The following DLG2 variants were observed in gnomAD, a reference collection of about 807,000 sequenced individuals.
The protein encoded by DLG2 is discs large MAGUK scaffold protein 2, also known as disks large homolog 2.
Under a neutral mutation model 132.5 loss-of-function variants are expected in DLG2, and 45 were observed. That is an observed-to-expected ratio of 0.34 (90% confidence interval 0.27 to 0.44). The LOEUF is 0.44. DLG2 is among the 20% of genes least tolerant of loss of function. DLG2 has a pLI of 1.00. For missense variants in DLG2, 1,045 were observed against 1,196.9 expected (o/e 0.87, Z 1.87); for synonymous variants, 424 against 419.6 (o/e 1.01, Z -0.13).
chr11:85,359,955 G>A (rs1180210765), intron 3 of DLG2, among the ~76,000 whole-genome samples: 1 of 152,132 alleles, frequency 6.6e-6, no homozygotes, highest in Non-Finnish European at 1.5e-5. Flanking sequence ...CCAGAGGATG[G>A]AGCTTACAAC....
intron 6 of DLG2, among the ~76,000 whole-genome samples, chr11:84,877,164 G>A (rs920674414): frequency 1.3e-5 from 2 of 152,120 alleles, no homozygotes; most frequent in Admixed American, 1.3e-4. Context: ...ATATTCTGTT[G>A]ATTTGGGGTG....
At chr11:84,336,120 TG>T (rs112582665) in intron 7 of DLG2, among the ~76,000 whole-genome samples, 1 of 152,188 alleles carries the variant, frequency 6.6e-6, no homozygotes, top group African/African-American at 2.4e-5. Flanking sequence ...TTTCTCATTT[TG>T]GGGGGGCCCA....
intron 6 of DLG2, among the ~76,000 whole-genome samples, chr11:84,583,385 T>C (rs2099521270): frequency 6.6e-6 from 1 of 152,334 alleles, no homozygotes; most frequent in South Asian, 2.1e-4. Flanking sequence ...ATGTCTGTCA[T>C]CTCTTTAAAG....
chr11:84,531,279 A>G (rs1249685984), intron 7 of DLG2, among the ~76,000 whole-genome samples: 1 of 152,204 alleles, frequency 6.6e-6, no homozygotes, highest in East Asian at 1.9e-4. Context: ...AACAATGAGT[A>G]CATATGGATA....
chr11:85,497,243 T>C (rs1427355587), intron 3 of DLG2, among the ~76,000 whole-genome samples: 1 of 151,754 alleles, frequency 6.6e-6, no homozygotes, highest in East Asian at 1.9e-4. Flanking sequence ...AATGACCTGA[T>C]GGAGCTGAAA....
intron 9 of DLG2, among the ~76,000 whole-genome samples, chr11:84,120,988 T>A (rs1315003818): frequency 1.3e-5 from 2 of 152,264 alleles, no homozygotes; most frequent in African/African-American, 2.4e-5. Flanking sequence ...TACTCTAATT[T>A]CTTTTGTCTT....
chr11:84,308,115 T>C (rs576443065), intron 7 of DLG2, among the ~76,000 whole-genome samples: 1 of 152,262 alleles, frequency 6.6e-6, no homozygotes, highest in South Asian at 2.1e-4. Flanking sequence ...AGCAGCCTGC[T>C]TTTATTCTCT....
chr11:85,570,877 T>C (rs1246878902), intron 3 of DLG2, among the ~76,000 whole-genome samples: 2 of 152,148 alleles, frequency 1.3e-5, no homozygotes, highest in African/African-American at 4.8e-5. Flanking sequence ...TCCTACCTGT[T>C]CAAATGCTGT....
At chr11:83,658,094 C>A (rs1489943785) in intron 18 of DLG2, among the ~76,000 whole-genome samples, 2 of 152,196 alleles carry the variant, frequency 1.3e-5, no homozygotes, top group Non-Finnish European at 2.9e-5. Flanking sequence ...GCAGGAAGTG[C>A]CCCCACAATA....
chr11:84,102,065 C>T (rs1290730054), intron 9 of DLG2, among the ~76,000 whole-genome samples: 1 of 152,134 alleles, frequency 6.6e-6, no homozygotes, highest in African/African-American at 2.4e-5. Context: ...AACTTCACAT[C>T]GCCTTCTTGA....
intron 19 of DLG2, among the ~76,000 whole-genome samples, chr11:83,584,421 AC>A (rs1359399256): frequency 6.6e-6 from 1 of 152,230 alleles, no homozygotes; most frequent in Non-Finnish European, 1.5e-5. Flanking sequence ...CAATCAGAAT[AC>A]GCTTCACCAA....
intron 6 of DLG2, among the ~76,000 whole-genome samples, chr11:84,822,895 T>C (rs2077869398): frequency 6.6e-6 from 1 of 151,964 alleles, no homozygotes; most frequent in Non-Finnish European, 1.5e-5. Flanking sequence ...GTACACTACG[T>C]GTATAATTAT....
At chr11:83,697,729 G>A (rs2082176637) in intron 18 of DLG2, among the ~76,000 whole-genome samples, 1 of 152,116 alleles carries the variant, frequency 6.6e-6, no homozygotes, top group Non-Finnish European at 1.5e-5. Flanking sequence ...GGCATATAAG[G>A]TATGTAAAAA....
chr11:84,377,434 G>T (rs1207532689), intron 7 of DLG2, among the ~76,000 whole-genome samples: 2 of 151,864 alleles, frequency 1.3e-5, no homozygotes, highest in African/African-American at 4.8e-5. Context: ...GAAATAATAA[G>T]GGGAATTTGA....
chr11:84,444,937 G>C (rs1398059813), intron 7 of DLG2, among the ~76,000 whole-genome samples: 2 of 152,082 alleles, frequency 1.3e-5, no homozygotes, highest in South Asian at 2.1e-4. Flanking sequence ...CGAATAGCTG[G>C]GATTACAGGC....
At chr11:83,973,409 T>C (rs2091693246) in intron 12 of DLG2, among the ~76,000 whole-genome samples, 1 of 152,142 alleles carries the variant, frequency 6.6e-6, no homozygotes, top group African/African-American at 2.4e-5. Context: ...CTTATTACAT[T>C]TGAGATAAAT....
At chr11:84,796,207 T>C (rs1000800601) in intron 6 of DLG2, among the ~76,000 whole-genome samples, 15 of 152,160 alleles carry the variant, frequency 9.9e-5, no homozygotes, top group African/African-American at 3.1e-4. Flanking sequence ...AAAACATCTC[T>C]TGAATTCCAT....
intron 7 of DLG2, among the ~76,000 whole-genome samples, chr11:84,475,242 A>T (rs1398429357): frequency 6.6e-6 from 1 of 152,172 alleles, no homozygotes; most frequent in Non-Finnish European, 1.5e-5. Context: ...CTCATTAAAA[A>T]AAATATTACA....
chr11:84,025,102 T>C (rs2095504078), intron 11 of DLG2, among the ~76,000 whole-genome samples: 2 of 152,158 alleles, frequency 1.3e-5, no homozygotes, highest in Non-Finnish European at 2.9e-5. Flanking sequence ...GTGTATCTGT[T>C]TGTCATTCAC....
Sources: allele counts gnomAD v4.1 joint callset (sites outside exome capture counted in the v4.1 genomes callset), GRCh38; gene constraint gnomAD v4.1.1; transcripts MANE v1.5; gene names NCBI Gene and HGNC (gene_info 2026-07-23, HGNC 2026-07-21).